Variants in AHI1 observed in about 807,000 individuals in gnomAD.
The protein encoded by AHI1 is jouberin.
Under a neutral mutation model 149.3 loss-of-function variants are expected in AHI1, and 123 were observed. The ratio of observed to expected loss-of-function variants is 0.82; its 90% CI spans 0.71 to 0.96. The LOEUF is 0.96. Among genes scored for constraint, AHI1 ranks in the 40% least tolerant of loss-of-function variants. The pLI, the probability that AHI1 is intolerant of heterozygous loss-of-function variation, is 0.00. For synonymous variants in AHI1, 475 were observed against 459.8 expected (o/e 1.03, Z -0.42); for missense variants, 1,439 against 1,422.7 (o/e 1.01, Z -0.18).
chr6:135,385,032 T>C (rs982176697), intron 23 of AHI1, among the ~76,000 whole-genome samples: 6 of 152,056 alleles, frequency 3.9e-5, no homozygotes, highest in Admixed American at 2.0e-4. Context: ...GAGGTTGCAG[T>C]GATCCGAGAT....
chr6:135,295,512 A>G (rs1370214963), intron 27 of AHI1, among the ~76,000 whole-genome samples: 2 of 152,242 alleles, frequency 1.3e-5, no homozygotes, highest in Non-Finnish European at 2.9e-5. Context: ...CTTGTATATA[A>G]ATGTTGATAT....
chr6:135,431,447 TA>T, intron 16 of AHI1, 133 bp from the exon 17 acceptor site: 1 of 462,402 alleles, frequency 2.2e-6, no homozygotes, highest in Non-Finnish European at 3.7e-6. Context: ...TATTTCAGTT[TA>T]AAAAAGCCAA....
At chr6:135,314,069 A>C (rs1404032816) in intron 26 of AHI1, among the ~76,000 whole-genome samples, 1 of 152,208 alleles carries the variant, frequency 6.6e-6, no homozygotes, top group Non-Finnish European at 1.5e-5. Context: ...AAAGGTTTTT[A>C]TGTTGTAAAT....
At chr6:135,390,796 G>A (rs192669318) in intron 23 of AHI1, among the ~76,000 whole-genome samples, 1 of 152,286 alleles carries the variant, frequency 6.6e-6, no homozygotes, top group African/African-American at 2.4e-5. Context: ...ACTTTTCAGA[G>A]AGTTTTGTTG....
chr6:135,487,014 C>A (rs895509784), intron 5 of AHI1, among the ~76,000 whole-genome samples: 1 of 152,160 alleles, frequency 6.6e-6, no homozygotes, highest in African/African-American at 2.4e-5. Flanking sequence ...AATTCTCCCA[C>A]CTTGGATTTC....
chr6:135,352,641 A>C (rs1020421995), intron 24 of AHI1, among the ~76,000 whole-genome samples: 1 of 151,562 alleles, frequency 6.6e-6, no homozygotes, highest in Non-Finnish European at 1.5e-5. Flanking sequence ...ATTAGGATTT[A>C]GCTGTTTACA....
At chr6:135,344,926 T>TCACACACACACACACACACACA (rs59084001) in intron 24 of AHI1, among the ~76,000 whole-genome samples, 48 of 145,788 alleles carry the variant, frequency 3.3e-4, no homozygotes, top group African/African-American at 1.1e-3. Flanking sequence ...AAGCTCTGAT[T>TCACACACACACACACACACACA]CACACACACA....
At chr6:135,446,146 C>G (rs1787176155) in intron 13 of AHI1, among the ~76,000 whole-genome samples, 1 of 152,094 alleles carries the variant, frequency 6.6e-6, no homozygotes, top group African/African-American at 2.4e-5. Context: ...GAATTGTGTC[C>G]TCTCTCCTCC....
chr6:135,428,604 T>C (rs773411005), intron 19 of AHI1, 25 bp downstream of exon 19: 5 of 1,588,206 alleles, frequency 3.1e-6, no homozygotes, highest in Non-Finnish European at 4.3e-6. Flanking sequence ...CCCCAAATGA[T>C]TTTTAAAGTT....
chr6:135,344,702 TTCTC>T lies in AHI1; in HGVS notation c.3165+13426_3165+13429del, dbSNP rs201934681. Among the ~76,000 whole-genome samples, 452 of 151,388 alleles carry T rather than the reference TTCTC, an allele frequency of 3.0e-3. 7 individuals are homozygous for T. Among genetic ancestry groups the T allele is most frequent in the Middle Eastern group, 0.014 (4 of 292 alleles). ...TTCCTTTCCTTTTCTTTCTTTTTCTTTCTCTCTCTTTCTTTCCTTTTCTTTCTTT... is the reference window on the plus strand; with the variant it reads ...TTCCTTTCCTTTTCTTTCTTTTTCTTTCTCTTTCTTTCCTTTTCTTTCTTT... On this transcript the variant is annotated intron_variant, in intron 24 of 28. Coordinates refer to ENST00000265602, the MANE Select transcript of AHI1 (RefSeq NM_001134831.2).
intron 10 of AHI1, among the ~76,000 whole-genome samples, chr6:135,454,121 A>G (rs1288769166): frequency 2.0e-5 from 3 of 152,164 alleles, no homozygotes; most frequent in Non-Finnish European, 4.4e-5. Context: ...TTTTACAGAT[A>G]TAATACATGC....
At chr6:135,370,512 C>A (rs1444588661) in intron 23 of AHI1, among the ~76,000 whole-genome samples, 1 of 152,212 alleles carries the variant, frequency 6.6e-6, no homozygotes, top group Non-Finnish European at 1.5e-5. Context: ...TCTCTCCTTG[C>A]CTCAGCAGTA....
intron 14 of AHI1, among the ~76,000 whole-genome samples, chr6:135,439,362 G>A (rs1785911951): frequency 6.6e-6 from 1 of 152,182 alleles, no homozygotes. Flanking sequence ...ATGTATCCAT[G>A]CTATAGATGC....
At chr6:135,401,625 C>T (rs12526515) in intron 22 of AHI1, among the ~76,000 whole-genome samples, 2 of 152,188 alleles carry the variant, frequency 1.3e-5, no homozygotes, top group African/African-American at 4.8e-5. Context: ...GCTGAGACAA[C>T]TGGATAGCCT....
At position 135,442,588 on chromosome 6, in the gene AHI1, T is replaced by C. The variant is rs1180334685; in HGVS notation, c.1906A>G (p.Ile636Val). Residue 636 changes from isoleucine to valine, a missense_variant, in exon 14 of 29, where the codon ATT becomes GTT. Ile to Val is a conservative substitution (Grantham distance 29). Coordinates refer to ENST00000265602, the MANE Select transcript of AHI1 (RefSeq NM_001134831.2). ...AACASRDGYP[I>V]ILYEIPSGRF... ...AGGTAGGATTATTACTCACAAATAA[T>C]TGGATATCCATCCCGGCTGGCACAA... The C allele has an allele frequency of 6.2e-7, 1 of 1,607,768 alleles. No individual in the cohort carries two copies. The highest frequency in any genetic ancestry group is 8.5e-7 in the Non-Finnish European group (1 of 1,176,692).
At chr6:135,479,375 G>C (rs1793231788) in intron 5 of AHI1, among the ~76,000 whole-genome samples, 1 of 152,202 alleles carries the variant, frequency 6.6e-6, no homozygotes, top group African/African-American at 2.4e-5. Context: ...CAAGGCCTTG[G>C]GAGCCTACCC....
At chr6:135,324,574 T>TATATATATATA (rs1787364418) in intron 24 of AHI1, among the ~76,000 whole-genome samples, 1 of 137,578 alleles carries the variant, frequency 7.3e-6, no homozygotes, top group African/African-American at 2.9e-5. Context: ...ATATATATAT[T>TATATATATATA]TATAGCATGT....
intron 24 of AHI1, among the ~76,000 whole-genome samples, chr6:135,341,136 T>C (rs1283182933): frequency 1.3e-5 from 2 of 152,022 alleles, no homozygotes. Context: ...TAAGTGTAAA[T>C]AGATTAAACA....
chr6:135,307,980 G>T (rs1384249919), intron 26 of AHI1, among the ~76,000 whole-genome samples: 1 of 152,100 alleles, frequency 6.6e-6, no homozygotes. Flanking sequence ...CAACAGTGCC[G>T]AGGTTGAGAA....
Sources: gnomAD v4.1 joint callset for allele counts (sites outside exome capture counted in the v4.1 genomes callset) on GRCh38, gnomAD v4.1.1 for gene constraint, MANE v1.5 for transcripts, NCBI Gene and HGNC (gene_info 2026-07-23, HGNC 2026-07-21) for gene names.